XRCC5: variants seen among roughly 807,000 people sequenced by gnomAD.
XRCC5 encodes DNA repair protein Ku80.
Under a neutral mutation model 95.7 loss-of-function variants are expected in XRCC5, and 12 were observed. The ratio of observed to expected loss-of-function variants is 0.13; its 90% CI spans 0.08 to 0.20. The LOEUF (loss-of-function observed/expected upper bound fraction) is 0.20, where lower values mean the gene tolerates loss of function less well. Among genes scored for constraint, XRCC5 ranks in the 10% least tolerant of loss-of-function variants. The probability of loss-of-function intolerance (pLI) is 1.00; values close to 1 mark genes in which losing one functional copy is unlikely to be tolerated. For synonymous variants in XRCC5, 281 were observed against 290.3 expected (o/e 0.97, Z 0.33); for missense variants, 595 against 873.9 (o/e 0.68, Z 4.02).
Position 216,121,295 on chromosome 2 carries a change from T to A in XRCC5, c.492-767T>A, listed in dbSNP as rs1299047430. 2.0e-5 allele frequency among the ~76,000 whole-genome samples: 3 copies of A among 152,198 alleles called. No individual in the cohort carries two copies. In the East Asian group the frequency reaches 5.8e-4, roughly 29 times the overall value. Reference sequence around the variant, plus strand: ...CATCATGCTGTATTTGCTAAGTATATGAAGAAAAATTGTAAACAGCCTTAT... The same window carrying A: ...CATCATGCTGTATTTGCTAAGTATAAGAAGAAAAATTGTAAACAGCCTTAT... On this transcript the variant is annotated intron_variant, in intron 5 of 20. Transcript: ENST00000392132.
chr2:216,129,841 T>A (rs1010561610), intron 8 of XRCC5, among the ~76,000 whole-genome samples: 2 of 151,298 alleles, frequency 1.3e-5, no homozygotes, highest in African/African-American at 4.9e-5. Flanking sequence ...GCCTGGCTAA[T>A]TTTTTTTTGT....
At chr2:216,133,126 T>C (rs928881044) in intron 10 of XRCC5, among the ~76,000 whole-genome samples, 6 of 151,886 alleles carry the variant, frequency 4.0e-5, no homozygotes, top group Non-Finnish European at 5.9e-5. Context: ...GTTGCTGATA[T>C]AGTGGATGGG....
chr2:216,130,840 A>G (rs1696984191), intron 8 of XRCC5, 35 bp from the exon 9 acceptor site: 2 of 1,471,242 alleles, frequency 1.4e-6, no homozygotes, highest in African/African-American at 1.4e-5. Context: ...ATGAGGCCCC[A>G]TATGCTTAAC....
At chr2:216,117,103 G>A (rs1696711357) in intron 3 of XRCC5, 1 of 486,534 alleles carries the variant, frequency 2.1e-6, no homozygotes, top group Admixed American at 3.5e-5. Flanking sequence ...GAAGGGGGAA[G>A]ATCCTAGGGA....
At chr2:216,134,273 T>C (rs1297544549) in intron 10 of XRCC5, among the ~76,000 whole-genome samples, 1 of 152,198 alleles carries the variant, frequency 6.6e-6, no homozygotes, top group Admixed American at 6.5e-5. Context: ...GTATTGAGAA[T>C]CTATACTTTC....
intron 16 of XRCC5, among the ~76,000 whole-genome samples, chr2:216,173,328 CT>C (rs1379194712): frequency 6.6e-6 from 1 of 152,046 alleles, no homozygotes; most frequent in East Asian, 1.9e-4. Flanking sequence ...TTGTCTTTCA[CT>C]ATTAGTATGA....
intron 16 of XRCC5, among the ~76,000 whole-genome samples, chr2:216,187,821 A>ACACACACACACACACACACACACACC (rs1312215177): frequency 2.1e-5 from 1 of 47,948 alleles, no homozygotes; most frequent in African/African-American, 1.0e-4. Flanking sequence ...ACACACACAC[A>ACACACACACACACACACACACACACC]CTCTCTCTCT....
chr2:216,124,994 G>GCCCACTCCC, intron 6 of XRCC5, among the ~76,000 whole-genome samples: 1 of 152,240 alleles, frequency 6.6e-6, no homozygotes, highest in Non-Finnish European at 1.5e-5. Context: ...GAGTTAACGT[G>GCCCACTCCC]CTTTACCTTG....
In XRCC5 at chr2:216,132,308, C is replaced by G. The variant is rs3218738; in HGVS notation, c.1051-17C>G. On this transcript the variant is annotated splice_polypyrimidine_tract_variant and intron_variant, in intron 9 of 20. Coordinates refer to ENST00000392132, the MANE Select transcript of XRCC5 (RefSeq NM_021141.4). ...TACTTATTTTGGATCAAAAGCAATTCTTTTCCTCTCTTGTAGGTTCAGAGA... is the reference window on the plus strand; with the variant it reads ...TACTTATTTTGGATCAAAAGCAATTGTTTTCCTCTCTTGTAGGTTCAGAGA... The G allele has an allele frequency of 1.2e-4, 187 of 1,612,832 alleles. No individual in the cohort carries two copies. The East Asian group carries it at 3.9e-3, about 34-fold the overall frequency.
At chr2:216,180,971 A>G (rs1209547243) in intron 16 of XRCC5, among the ~76,000 whole-genome samples, 2 of 151,144 alleles carry the variant, frequency 1.3e-5, no homozygotes, top group Non-Finnish European at 3.0e-5. Context: ...GCACCACCAC[A>G]CCCAGCTAAT....
chr2:216,154,692 T>C (rs1287396981), intron 14 of XRCC5, among the ~76,000 whole-genome samples: 1 of 152,258 alleles, frequency 6.6e-6, no homozygotes, highest in African/African-American at 2.4e-5. Context: ...ACAAAATCTA[T>C]GAACTGTCTT....
chr2:216,157,595 A>T (rs193069854), intron 14 of XRCC5, among the ~76,000 whole-genome samples: 1 of 152,166 alleles, frequency 6.6e-6, no homozygotes, highest in Admixed American at 6.5e-5. Context: ...TTAATTGTCT[A>T]TATGTATACT....
At chr2:216,129,029 G>A (rs12476975) in intron 8 of XRCC5, among the ~76,000 whole-genome samples, 14,138 of 152,184 alleles carry the variant, frequency 0.093, 2,156 homozygotes, top group African/African-American at 0.32. Context: ...TGAAAACAAC[G>A]TGGAGCCACT....
At chr2:216,195,474 TTC>T (rs1005759539) in intron 19 of XRCC5, among the ~76,000 whole-genome samples, 20 of 151,656 alleles carry the variant, frequency 1.3e-4, no homozygotes, top group African/African-American at 4.8e-4. Context: ...ACCCTAGAGA[TTC>T]TGTTAGTCTG....
intron 5 of XRCC5, among the ~76,000 whole-genome samples, chr2:216,121,410 C>T (rs531039496): frequency 1.3e-5 from 2 of 152,338 alleles, no homozygotes; most frequent in East Asian, 3.9e-4. Context: ...GATCACAGCA[C>T]TAACAGATTT....
chr2:216,162,224 A>G (rs559633713), intron 16 of XRCC5, among the ~76,000 whole-genome samples, 176 bp downstream of exon 16: 4 of 152,344 alleles, frequency 2.6e-5, no homozygotes, highest in African/African-American at 7.2e-5. Context: ...AGCACATGAA[A>G]GTGAACTCAG....
chr2:216,129,877 T>A (rs1027105514), intron 8 of XRCC5, among the ~76,000 whole-genome samples: 2 of 152,074 alleles, frequency 1.3e-5, no homozygotes, highest in African/African-American at 4.8e-5. Context: ...AGAGTTTCAC[T>A]GTGTTAGCCA....
chr2:216,156,139 A>G (rs977563410), intron 14 of XRCC5, among the ~76,000 whole-genome samples: 1 of 152,246 alleles, frequency 6.6e-6, no homozygotes, highest in Non-Finnish European at 1.5e-5. Context: ...ATACTTTCAT[A>G]CAGATTTCAC....
At chr2:216,144,413 A>C (rs184019875) in intron 13 of XRCC5, among the ~76,000 whole-genome samples, 2 of 152,340 alleles carry the variant, frequency 1.3e-5, no homozygotes, top group East Asian at 3.9e-4. Context: ...GTGGGTAATT[A>C]AAGAATTTTC....
Sources: allele counts gnomAD v4.1 joint callset (sites outside exome capture counted in the v4.1 genomes callset), GRCh38; gene constraint gnomAD v4.1.1; transcripts MANE v1.5; gene names NCBI Gene and HGNC (gene_info 2026-07-23, HGNC 2026-07-21).